PCSK9: variants seen among roughly 807,000 people sequenced by gnomAD.
The protein encoded by PCSK9 is convertase subtilisin/kexin type 9 preproprotein.
PCSK9 carries 57 observed loss-of-function variants against 62.1 expected under a neutral mutation model. The observed-to-expected ratio is 0.92, with a 90% CI of 0.74 to 1.14. The LOEUF (loss-of-function observed/expected upper bound fraction) is 1.14. Ranked by LOEUF, PCSK9 falls within the 50% of genes most tolerant of loss-of-function variation. The pLI is 0.00. For missense variants in PCSK9, 870 were observed against 959.8 expected (o/e 0.91, Z 1.24); for synonymous variants, 387 against 409.4 (o/e 0.95, Z 0.66).
rs1348726275 is a variant in PCSK9, at chr1:55,040,331, C to T, written c.207+287C>T. On this transcript the variant is annotated intron_variant, in intron 1 of 11. Transcript: ENST00000302118. The surrounding 1 kb of genome is among the most constrained non-coding windows in gnomAD (Gnocchi z 4.1). Reference sequence around the variant, plus strand: ...TCGCGGGGTTGGGAGACCCGGAGGCCGAGGAAGGGCGAGCAGAGCACTGCC... The same window carrying T: ...TCGCGGGGTTGGGAGACCCGGAGGCTGAGGAAGGGCGAGCAGAGCACTGCC... Among the ~76,000 whole-genome samples the T allele has an allele frequency of 6.6e-6, 1 of 152,150 alleles. No homozygotes were observed. Among genetic ancestry groups the T allele is most frequent in the Non-Finnish European group, 1.5e-5 (1 of 68,038 alleles).
chr1:55,054,059 C>T (rs1644695114), intron 5 of PCSK9, among the ~76,000 whole-genome samples: 1 of 152,220 alleles, frequency 6.6e-6, no homozygotes. Context: ...AGTCTGAGCA[C>T]AGAGATAAGC....
chr1:55,044,590 A>G (rs1219331384), intron 2 of PCSK9, among the ~76,000 whole-genome samples: 2 of 150,162 alleles, frequency 1.3e-5, no homozygotes, highest in African/African-American at 5.0e-5. Context: ...AGTGCTTCAA[A>G]TCTTAAAAAA....
At chr1:55,056,610 A>G (rs1286584956) in intron 6 of PCSK9, among the ~76,000 whole-genome samples, 1 of 152,122 alleles carries the variant, frequency 6.6e-6, no homozygotes, top group East Asian at 1.9e-4. Context: ...ATGACTGACA[A>G]CTTGAGCAAG....
chr1:55,039,964 C>T lies in PCSK9; in HGVS notation c.127C>T (p.Leu43=). 4.4e-6 allele frequency: 7 copies of T among 1,579,270 alleles called. No individual in the cohort carries two copies. The highest frequency in any genetic ancestry group is 6.0e-6 in the Non-Finnish European group (7 of 1,163,564). Residue 43 remains leucine, a synonymous_variant, in exon 1 of 12, where the codon CTA becomes TTA. Coordinates refer to ENST00000302118, the MANE Select transcript of PCSK9 (RefSeq NM_174936.4). The stretch of plus-strand genomic sequence containing the variant: ...GGACGGCGACTACGAGGAGCTGGTG[C>T]TAGCCTTGCGTTCCGAGGAGGACGG... ...DEDGDYEELV[L]ALRSEEDGLA...
In PCSK9 at chr1:55,040,076, A is replaced by C. The variant is rs771025479; in HGVS notation, c.207+32A>C. ...GTGTAGGGATGGGAGGCCGGGGCGA[A>C]CCCGCAGCCGGGACGGTGCGGTGCT... On this transcript the variant is annotated intron_variant, in intron 1 of 11. Transcript: ENST00000302118. This position sits in a 1 kb window ranked among gnomAD's most constrained non-coding sequence, Gnocchi z 4.1. The C allele has an allele frequency of 6.5e-7, 1 of 1,546,798 alleles. No homozygotes were observed. The highest frequency in any genetic ancestry group is 1.2e-5 in the South Asian group (1 of 83,874).
chr1:55,043,013 A>G (rs1177595724), intron 1 of PCSK9, among the ~76,000 whole-genome samples: 3 of 152,210 alleles, frequency 2.0e-5, no homozygotes, highest in Non-Finnish European at 4.4e-5. Flanking sequence ...TGATCTCTGC[A>G]CATGTAGGCT....
At chr1:55,053,794 C>T (rs1644693420) in intron 5 of PCSK9, among the ~76,000 whole-genome samples, 1 of 152,224 alleles carries the variant, frequency 6.6e-6, no homozygotes, top group African/African-American at 2.4e-5. Flanking sequence ...CCTTTATTGA[C>T]TGACCTCGGC....
At chr1:55,055,549 G>A (rs1039671994) in intron 5 of PCSK9, among the ~76,000 whole-genome samples, 1 of 152,222 alleles carries the variant, frequency 6.6e-6, no homozygotes, top group South Asian at 2.1e-4. Context: ...AGGTTCTGCA[G>A]AGAAGCAGAA....
chr1:55,057,297 C>G (rs1200724137), intron 6 of PCSK9, 34 bp from the exon 7 acceptor site: 1 of 1,602,164 alleles, frequency 6.2e-7, no homozygotes, highest in Admixed American at 1.7e-5. Context: ...CTCTTGGGCT[C>G]CTTTCTCTGC....
rs533141112 is a variant in PCSK9, at chr1:55,055,321, G to GC, written c.800-671dup. Among the ~76,000 whole-genome samples, 892 of 99,512 alleles carry GC rather than the reference G, an allele frequency of 9.0e-3. 7 individuals carry two copies. Among genetic ancestry groups the GC allele is most frequent in the Non-Finnish European group, 9.7e-3 (383 of 39,400 alleles). 65.3% of individuals were successfully genotyped at this position (99,512 alleles called of 152,430 possible). A position where few individuals can be genotyped will look rare whatever the true frequency, so the allele number is the denominator to read the frequency against. The stretch of plus-strand genomic sequence containing the variant: ...CATCTGAGCCAGGCCTCAGAGAGTG[G>GC]CGGGGGAAGTTGGGTGGGGAAGTGT... On this transcript the variant is annotated intron_variant, in intron 5 of 11. Transcript: ENST00000302118.
At chr1:55,059,272 C>A (rs542172573) in intron 9 of PCSK9, among the ~76,000 whole-genome samples, 4 of 152,310 alleles carry the variant, frequency 2.6e-5, no homozygotes, top group Admixed American at 2.0e-4. Context: ...TGAAACCACT[C>A]TGTGTTTGGA....
intron 2 of PCSK9, among the ~76,000 whole-genome samples, chr1:55,044,436 TC>T (rs1270405036): frequency 1.3e-5 from 2 of 152,030 alleles, no homozygotes; most frequent in African/African-American, 4.8e-5. Context: ...AAAGCATGAC[TC>T]TAGGGTCCAA....
chr1:55,058,091 G>T lies in PCSK9; in HGVS notation c.1236G>T (p.Arg412Ser). ...CGGAGCTCACCCTGGCCGAGTTGAG[G>T]CAGAGACTGATCCACTTCTCTGCCA... is the stretch of plus-strand genomic sequence containing the variant. ...AEPELTLAEL[R>S]QRLIHFSAKD... The change falls in exon 8 of 12, where the codon AGG becomes AGT. Residue 412 changes from arginine (R) to serine (S), a missense_variant. Arg to Ser is a moderately radical substitution (Grantham distance 110). Coordinates refer to ENST00000302118, the MANE Select transcript of PCSK9 (RefSeq NM_174936.4). 1 of 1,613,750 alleles carries T rather than the reference G, an allele frequency of 6.2e-7. No individual in the cohort carries two copies. The highest frequency in any genetic ancestry group is 8.5e-7 in the Non-Finnish European group (1 of 1,180,034).
At chr1:55,058,891 T>G (rs1001802044) in intron 9 of PCSK9, among the ~76,000 whole-genome samples, 4 of 152,158 alleles carry the variant, frequency 2.6e-5, no homozygotes, top group Non-Finnish European at 4.4e-5. Flanking sequence ...TGCAGGACAG[T>G]GCTGGATGGA....
Position 55,064,084 on chromosome 1 carries a change from C to T in PCSK9, c.*500C>T, listed in dbSNP as rs548989313. On this transcript the variant is annotated 3_prime_UTR_variant, in exon 12 of 12. Coordinates refer to ENST00000302118, the MANE Select transcript of PCSK9 (RefSeq NM_174936.4). ...CATCTCCAGCTAACTGTGGAGAAGC[C>T]CCTGGGGGCTCCCTGATTAATGGAG... 136 of 156,908 alleles carry T rather than the reference C, an allele frequency of 8.7e-4. 1 individual carries two copies. The highest frequency in any genetic ancestry group is 3.0e-3 in the African/African-American group (127 of 41,642). 9.7% of individuals were successfully genotyped at this position (156,908 alleles called of 1,614,324 possible).
chr1:55,042,185 G>A (rs886836537), intron 1 of PCSK9, among the ~76,000 whole-genome samples: 2 of 151,786 alleles, frequency 1.3e-5, no homozygotes, highest in Admixed American at 1.3e-4. Flanking sequence ...GACCTCCTCA[G>A]TGGATCCGAG....
At chr1:55,052,946 G>C (rs1308228990) in intron 5 of PCSK9, among the ~76,000 whole-genome samples, 155 bp downstream of exon 5, 3 of 152,152 alleles carry the variant, frequency 2.0e-5, no homozygotes, top group Non-Finnish European at 4.4e-5. Flanking sequence ...AGGCTGGCAG[G>C]GTTCCCAGTG....
Position 55,063,685 on chromosome 1 carries a change from A to G in PCSK9, c.*101A>G. 5 of 1,335,674 alleles carry G rather than the reference A, an allele frequency of 3.7e-6. No individual in the cohort carries two copies. Among genetic ancestry groups the G allele is most frequent in the Non-Finnish European group, 5.1e-6 (5 of 987,118 alleles). 82.7% of individuals were successfully genotyped at this position (1,335,674 alleles called of 1,614,324 possible). On this transcript the variant is annotated 3_prime_UTR_variant, in exon 12 of 12. Transcript: ENST00000302118. ...CTCTCTCAGCCCTCCATGGCCTGGC[A>G]CGAGGGGATGGGGATGCTTCCGCCT...
chr1:55,049,826 C>T (rs1041232221), intron 3 of PCSK9, among the ~76,000 whole-genome samples: 45 of 152,220 alleles, frequency 3.0e-4, no homozygotes, highest in African/African-American at 8.9e-4. Flanking sequence ...TTCCATCTGC[C>T]GCTGGGGCCA....
Sources: gnomAD v4.1 joint callset for allele counts (sites outside exome capture counted in the v4.1 genomes callset) on GRCh38, gnomAD v4.1.1 for gene constraint, Gnocchi (gnomAD v3.1) non-coding constraint, MANE v1.5 for transcripts, NCBI Gene and HGNC (gene_info 2026-07-23, HGNC 2026-07-21) for gene names.